Variants in CDH4 observed in about 807,000 individuals in gnomAD.
CDH4 encodes cadherin 4.
A neutral mutation model predicts 86.0 loss-of-function variants in CDH4; 33 were observed. That is an observed-to-expected ratio of 0.38 (90% confidence interval 0.29 to 0.51). CDH4 has a LOEUF of 0.51. CDH4 is among the 20% of genes least tolerant of loss of function. The pLI is 0.86. For synonymous variants in CDH4, 555 were observed against 549.4 expected, an observed-to-expected ratio of 1.01 and a Z score of -0.14; for missense variants, 1,114 against 1,307.4, an observed-to-expected ratio of 0.85 and a Z score of 2.28.
chr20:61,751,873 C>T (rs183281790), intron 3 of CDH4, among the ~76,000 whole-genome samples: 4 of 152,320 alleles, frequency 2.6e-5, no homozygotes, highest in Non-Finnish European at 5.9e-5. Flanking sequence ...ATGACCCCTA[C>T]CTCACACCAC....
intron 2 of CDH4, among the ~76,000 whole-genome samples, chr20:61,529,634 A>G (rs1600732442): frequency 6.6e-6 from 1 of 152,172 alleles, no homozygotes; most frequent in African/African-American, 2.4e-5. Flanking sequence ...CTGCTGTTTC[A>G]TACGTTTCTG....
rs534962675 is a variant in CDH4, at chr20:61,845,552, C to T, written c.732+729C>T. On this transcript the variant is annotated intron_variant, in intron 5 of 15. Transcript: ENST00000614565. ...GTCCATCACGTGTAGGTGAAGGCCT[C>T]GCCAGCAGCGCAGAACAGGCTGGAG... is the stretch of plus-strand genomic sequence containing the variant. 1.5e-3 allele frequency among the ~76,000 whole-genome samples: 227 copies of T among 152,322 alleles called. 3 individuals are homozygous for T. The highest frequency in any genetic ancestry group is 5.3e-3 in the African/African-American group (221 of 41,566).
At chr20:61,934,339 C>CTCAGACCCGGGTT (rs1402848440) in intron 15 of CDH4, 119 bp downstream of exon 15, 1 of 1,125,284 alleles carries the variant, frequency 8.9e-7, no homozygotes, top group Non-Finnish European at 1.2e-6. Context: ...TGGGAGGCAG[C>CTCAGACCCGGGTT]TCAGACCCGG....
intron 2 of CDH4, among the ~76,000 whole-genome samples, chr20:61,565,130 GCTGGTC>G (rs2086261006): frequency 7.0e-6 from 1 of 143,266 alleles, no homozygotes; most frequent in Non-Finnish European, 1.6e-5. Context: ...TCTTGGTGGT[GCTGGTC>G]CTCTTGGTGT....
intron 2 of CDH4, among the ~76,000 whole-genome samples, chr20:61,565,203 T>C (rs1437990693): frequency 3.1e-5 from 1 of 32,144 alleles, no homozygotes; most frequent in East Asian, 5.2e-4. Flanking sequence ...TTGGTGGTGG[T>C]CGCGGTGCTC....
At chr20:61,636,376 AAAG>A (rs1188982194) in intron 2 of CDH4, among the ~76,000 whole-genome samples, 3 of 152,236 alleles carry the variant, frequency 2.0e-5, no homozygotes, top group Admixed American at 1.3e-4. Context: ...GAAAGAGAGA[AAAG>A]AAGTTTCTTT....
chr20:61,315,899 A>G (rs2072280330), intron 2 of CDH4, among the ~76,000 whole-genome samples: 1 of 152,006 alleles, frequency 6.6e-6, no homozygotes, highest in African/African-American at 2.4e-5. Context: ...TTTTGTAGAG[A>G]TGGGGTCCCA....
intron 4 of CDH4, among the ~76,000 whole-genome samples, chr20:61,773,828 G>A (rs1568807704): frequency 6.6e-6 from 1 of 152,124 alleles, no homozygotes; most frequent in Non-Finnish European, 1.5e-5. Flanking sequence ...CCCACCCTTT[G>A]GAAATGAGGG....
chr20:61,720,854 T>C (rs2088032872), intron 2 of CDH4, among the ~76,000 whole-genome samples: 1 of 152,156 alleles, frequency 6.6e-6, no homozygotes, highest in African/African-American at 2.4e-5. Context: ...GAGGTGGTTA[T>C]TTCCCTTTGA....
chr20:61,931,766 G>A (rs1368638930), intron 13 of CDH4, among the ~76,000 whole-genome samples: 1 of 152,190 alleles, frequency 6.6e-6, no homozygotes, highest in Non-Finnish European at 1.5e-5. Flanking sequence ...GTTTAGGGGA[G>A]CCAGGGCTGG....
At chr20:61,463,496 G>T (rs1346603076) in intron 2 of CDH4, among the ~76,000 whole-genome samples, 1 of 152,208 alleles carries the variant, frequency 6.6e-6, no homozygotes, top group Admixed American at 6.5e-5. Flanking sequence ...TCAGAATCCT[G>T]GGAATCAGGA....
At chr20:61,325,590 A>G (rs949409574) in intron 2 of CDH4, among the ~76,000 whole-genome samples, 3 of 151,982 alleles carry the variant, frequency 2.0e-5, no homozygotes, top group Non-Finnish European at 4.4e-5. Context: ...TGTGCAGGGG[A>G]CAGCATTTGA....
chr20:61,461,860 G>A (rs2085445140), intron 2 of CDH4, among the ~76,000 whole-genome samples: 2 of 152,188 alleles, frequency 1.3e-5, no homozygotes, highest in African/African-American at 4.8e-5. Context: ...GTGCTTTGCT[G>A]CCCAAAGCTC....
At chr20:61,259,723 C>T (rs1173614527) in intron 2 of CDH4, among the ~76,000 whole-genome samples, 1 of 152,224 alleles carries the variant, frequency 6.6e-6, no homozygotes, top group Non-Finnish European at 1.5e-5. Flanking sequence ...CATTGGCTGA[C>T]AATGTGCCCT....
chr20:61,768,723 C>T (rs1215130634), intron 3 of CDH4, among the ~76,000 whole-genome samples: 4 of 152,258 alleles, frequency 2.6e-5, no homozygotes, highest in Non-Finnish European at 5.9e-5. Flanking sequence ...TCCAGGGAAG[C>T]GGGCGCATCT....
chr20:61,882,965 C>A (rs1180912665), intron 7 of CDH4, among the ~76,000 whole-genome samples: 2 of 152,218 alleles, frequency 1.3e-5, no homozygotes, highest in African/African-American at 4.8e-5. Context: ...CTGCGCATCT[C>A]CTGCTCTGTC....
rs1176336732 is a variant in CDH4 at position 61,927,851 on chromosome 20, C to T, written c.1772-339C>T. 5.3e-5 allele frequency among the ~76,000 whole-genome samples: 8 copies of T among 152,090 alleles called. No individual in the cohort carries two copies. The East Asian group carries it at 1.2e-3, about 22-fold the overall frequency. On this transcript the variant is annotated intron_variant, in intron 11 of 15. Coordinates refer to ENST00000614565, the MANE Select transcript of CDH4 (RefSeq NM_001794.5). ...GTGTGGGTGTGGCCGTGTGCTCTGC[C>T]GTGTCTGTTGAGGTGCCGTGCGCAG...
chr20:61,566,054 G>A (rs188648619), intron 2 of CDH4, among the ~76,000 whole-genome samples: 56 of 152,308 alleles, frequency 3.7e-4, no homozygotes, highest in East Asian at 2.9e-3. Context: ...TGCCACAGCC[G>A]GTGGGTCGCT....
chr20:61,596,632 T>C (rs1237920330), intron 2 of CDH4, among the ~76,000 whole-genome samples: 1 of 152,202 alleles, frequency 6.6e-6, no homozygotes, highest in Non-Finnish European at 1.5e-5. Context: ...GTACCACATC[T>C]TGAACACCAG....
Sources: gnomAD v4.1 joint callset for allele counts (sites outside exome capture counted in the v4.1 genomes callset) on GRCh38, gnomAD v4.1.1 for gene constraint, MANE v1.5 for transcripts, NCBI Gene and HGNC (gene_info 2026-07-23, HGNC 2026-07-21) for gene names.